MROH1: variants seen among roughly 807,000 people sequenced by gnomAD.
MROH1 encodes maestro heat like repeat family member 1.
A neutral mutation model predicts 116.5 loss-of-function variants in MROH1; 117 were observed. The observed-to-expected ratio is 1.00, with a 90% CI of 0.86 to 1.17. The LOEUF is 1.17. Ranked by LOEUF, MROH1 falls within the 50% of genes most tolerant of loss-of-function variation. MROH1 has a pLI of 0.00. For synonymous variants in MROH1, 921 were observed against 583.9 expected (o/e 1.58, Z -8.32); for missense variants, 1,873 against 1,338.5 (o/e 1.40, Z -6.23).
Position 144,243,490 on chromosome 8 carries a change from G to A in MROH1, c.2353-4G>A. ...GCGTCTCCTGTAGCCCTGCGTCCCT[G>A]CAGGACCCAGCCCTGAAGCTGTGCC... On this transcript the variant is annotated splice_polypyrimidine_tract_variant and splice_region_variant and intron_variant, in intron 24 of 43. Transcript: ENST00000326134. 1 of 779,300 alleles carries A rather than the reference G, an allele frequency of 1.3e-6. No individual in the cohort carries two copies. Among genetic ancestry groups the A allele is most frequent in the Non-Finnish European group, 2.4e-6 (1 of 417,812 alleles). 48.3% of individuals were successfully genotyped at this position (779,300 alleles called of 1,614,324 possible). A position where few individuals can be genotyped will look rare whatever the true frequency, so the allele number is the denominator to read the frequency against.
Position 144,223,220 on chromosome 8 carries a change from C to A in MROH1, c.1328C>A (p.Pro443His). The change falls in exon 14 of 44, where the codon CCC becomes CAC. Residue 443 changes from proline (P) to histidine (H), a missense_variant. Coordinates refer to ENST00000326134, the MANE Select transcript of MROH1 (RefSeq NM_032450.3). ...ATCGTGCAGCAGTGCGCGCTGCCCC[C>A]CGAGCAGGAGGTAAGGGGCTGCCAC... Reference protein sequence around the residue: ...EYIVQQCALPPEQEPEKPGPG... With the variant: ...EYIVQQCALPHEQEPEKPGPG... The A allele has an allele frequency of 6.2e-7, 1 of 1,604,396 alleles. No homozygotes were observed. The highest frequency in any genetic ancestry group is 8.5e-7 in the Non-Finnish European group (1 of 1,176,062).
intron 1 of MROH1, among the ~76,000 whole-genome samples, chr8:144,154,505 C>T (rs969145164): frequency 3.3e-5 from 5 of 152,126 alleles, no homozygotes; most frequent in Admixed American, 3.3e-4. Context: ...GGTTTTACTG[C>T]AAACTGCTCA....
intron 1 of MROH1, among the ~76,000 whole-genome samples, chr8:144,149,048 G>T (rs1816105132): frequency 6.6e-6 from 1 of 152,134 alleles, no homozygotes; most frequent in Non-Finnish European, 1.5e-5. Context: ...TCAGGTGAGG[G>T]TGGTGAGTTG....
intron 7 of MROH1, among the ~76,000 whole-genome samples, chr8:144,181,146 G>A (rs1825528177): frequency 6.6e-6 from 1 of 152,214 alleles, no homozygotes; most frequent in African/African-American, 2.4e-5. Flanking sequence ...TCCCATGTCA[G>A]GAAGACGGCC....
Position 144,243,869 on chromosome 8 carries a change from A to G in MROH1, c.2482A>G (p.Ile828Val). ...AELVAQMMEF[I>V]RAEPPDSLRT... ...ATGCACCTGCCTCACCCAGGAGTTC[A>G]TCAGGGCAGAGCCCCCGGACTCCTT... The change falls in exon 26 of 44, where the codon ATC becomes GTC. Residue 828 changes from isoleucine to valine, a missense_variant. Physicochemically the swap from Ile to Val is conservative, Grantham distance 29. Coordinates refer to ENST00000326134, the MANE Select transcript of MROH1 (RefSeq NM_032450.3). 1.3e-6 allele frequency: 1 copy of G among 779,820 alleles called. No homozygotes were observed. The highest frequency in any genetic ancestry group is 2.4e-6 in the Non-Finnish European group (1 of 417,504). The allele number at this position is 779,820 out of a possible 1,614,324, so 48.3% of individuals were successfully genotyped here.
rs1388206493 is a variant in MROH1 at position 144,260,942 on chromosome 8, T to C, written c.4572T>C (p.Asn1524=). 2 of 777,620 alleles carry C rather than the reference T, an allele frequency of 2.6e-6. No homozygotes were observed. Among genetic ancestry groups the C allele is most frequent in the African/African-American group, 3.4e-5 (2 of 59,072 alleles). The allele number at this position is 777,620 out of a possible 1,614,324, so 48.2% of individuals were successfully genotyped here. A position where few individuals can be genotyped will look rare whatever the true frequency, so the allele number is the denominator to read the frequency against. The change falls in exon 41 of 44, where the codon AAT becomes AAC. Residue 1524 remains asparagine (N), a synonymous_variant. Coordinates refer to ENST00000326134, the MANE Select transcript of MROH1 (RefSeq NM_032450.3). ...TTGCCCTGCGCATGTGTGGCCCCAATCTGGCATGTGAGGAGCTCTCAGCTG... is the reference window on the plus strand; with the variant it reads ...TTGCCCTGCGCATGTGTGGCCCCAACCTGGCATGTGAGGAGCTCTCAGCTG... ...CRFALRMCGP[N]LACEELSAAF...
intron 33 of MROH1, among the ~76,000 whole-genome samples, chr8:144,253,905 C>A (rs1843250183): frequency 6.6e-6 from 1 of 151,992 alleles, no homozygotes; most frequent in African/African-American, 2.4e-5. Context: ...GAAGCCACTG[C>A]CTGCTTGTTG....
intron 12 of MROH1, among the ~76,000 whole-genome samples, chr8:144,207,104 C>G (rs1832994984): frequency 2.0e-5 from 3 of 150,914 alleles, no homozygotes; most frequent in Non-Finnish European, 4.4e-5. Flanking sequence ...GATGAAGCAC[C>G]TTTTCATATG....
intron 9 of MROH1, 136 bp downstream of exon 9, chr8:144,191,991 G>A: frequency 9.7e-7 from 1 of 1,035,120 alleles, no homozygotes; most frequent in Non-Finnish European, 1.4e-6. Flanking sequence ...GCTCAGTGGT[G>A]GGCTGTGAAG....
intron 1 of MROH1, among the ~76,000 whole-genome samples, chr8:144,150,177 C>G (rs1009650521): frequency 1.3e-5 from 2 of 152,042 alleles, no homozygotes; most frequent in Non-Finnish European, 2.9e-5. Flanking sequence ...TTTTTGTGGC[C>G]GGAGGGCTTT....
chr8:144,254,822 C>T lies in MROH1; in HGVS notation c.3438C>T (p.Cys1146=). The change falls in exon 34 of 44, where the codon TGC becomes TGT. Residue 1146 remains cysteine, a synonymous_variant. Coordinates refer to ENST00000326134, the MANE Select transcript of MROH1 (RefSeq NM_032450.3). ...TCCTGCTCTGCTCCAGCCACACCTGCATGCTGTGGCGGGCGCTGGCGGTGG... is the reference window on the plus strand; with the variant it reads ...TCCTGCTCTGCTCCAGCCACACCTGTATGCTGTGGCGGGCGCTGGCGGTGG... The part of the protein sequence containing the change: ...GSPLPLDSHT[C]MLWRALAVEP... 1 of 777,244 alleles carries T rather than the reference C, an allele frequency of 1.3e-6. No homozygotes were observed. Among genetic ancestry groups the T allele is most frequent in the Non-Finnish European group, 2.4e-6 (1 of 417,592 alleles). 48.1% of individuals were successfully genotyped at this position (777,244 alleles called of 1,614,324 possible).
intron 7 of MROH1, among the ~76,000 whole-genome samples, chr8:144,184,316 C>T (rs960439939): frequency 3.9e-5 from 6 of 152,236 alleles, no homozygotes; most frequent in African/African-American, 1.2e-4. Context: ...TGGGAAGCAG[C>T]GCTTCCCTGG....
intron 4 of MROH1, among the ~76,000 whole-genome samples, chr8:144,176,754 G>A (rs1587906561): frequency 6.6e-6 from 1 of 151,502 alleles, no homozygotes; most frequent in African/African-American, 2.4e-5. Context: ...ACTTGAACTC[G>A]GAAGGCGGAG....
At chr8:144,248,341 T>C (rs953677807) in intron 31 of MROH1, among the ~76,000 whole-genome samples, 1 of 151,736 alleles carries the variant, frequency 6.6e-6, no homozygotes, top group Non-Finnish European at 1.5e-5. Context: ...ATGAGAAAGC[T>C]GCCCCTCCCT....
At position 144,190,888 on chromosome 8, in the gene MROH1, G is replaced by A. The variant is rs765665232; in HGVS notation, c.667G>A (p.Ala223Thr). ...KDAFATDIFS[A>T]YDVLFHQWLQ... is the part of the protein sequence containing the mutation. The stretch of plus-strand genomic sequence containing the variant: ...CGCCTTTGCCACCGACATCTTCAGC[G>A]CCTACGATGTTCTCTTCCATCAGTG... The change falls in exon 8 of 44, where the codon GCC becomes ACC. Residue 223 changes from alanine to threonine, a missense_variant. Transcript: ENST00000326134. The A allele has an allele frequency of 9.9e-6, 16 of 1,613,732 alleles. No homozygotes were observed. Among genetic ancestry groups the A allele is most frequent in the Admixed American group, 1.7e-5 (1 of 60,020 alleles).
intron 1 of MROH1, among the ~76,000 whole-genome samples, chr8:144,150,306 G>C (rs1816402517): frequency 6.6e-6 from 1 of 152,234 alleles, no homozygotes. Context: ...TGTAGGGAGA[G>C]AAGACCCTAT....
At chr8:144,171,557 ACAC>A (rs1353828674) in intron 4 of MROH1, among the ~76,000 whole-genome samples, 2 of 152,150 alleles carry the variant, frequency 1.3e-5, no homozygotes, top group African/African-American at 4.8e-5. Flanking sequence ...TACCGGTTAA[ACAC>A]CACCATTTCA....
At chr8:144,206,332 A>G (rs1219916964) in intron 12 of MROH1, among the ~76,000 whole-genome samples, 1 of 151,544 alleles carries the variant, frequency 6.6e-6, no homozygotes. Context: ...CTGTCAGTGC[A>G]CTCTTCTTTA....
intron 14 of MROH1, among the ~76,000 whole-genome samples, chr8:144,236,896 CTTTTTTTTTTTTTT>C (rs1164804321): frequency 1.4e-5 from 1 of 69,320 alleles, no homozygotes; most frequent in Non-Finnish European, 2.7e-5. Flanking sequence ...TCTCCTATTC[CTTTTTTTTTTTTTT>C]TTTTTTTTTT....
Sources: allele counts gnomAD v4.1 joint callset (sites outside exome capture counted in the v4.1 genomes callset), GRCh38; gene constraint gnomAD v4.1.1; transcripts MANE v1.5; gene names NCBI Gene and HGNC (gene_info 2026-07-23, HGNC 2026-07-21).